Variants in PTPRD observed in about 807,000 individuals in gnomAD.
The protein encoded by PTPRD is protein tyrosine phosphatase receptor type D, also known as receptor-type tyrosine-protein phosphatase delta.
In PTPRD, 34 loss-of-function variants were observed where a neutral mutation model predicts 214.5. The ratio of observed to expected loss-of-function variants is 0.16; its 90% CI spans 0.12 to 0.21. The LOEUF is 0.21. Ranked by LOEUF, PTPRD falls within the 10% of genes least tolerant of loss-of-function variation. The pLI is 1.00. For synonymous variants in PTPRD, 1,128 were observed against 845.7 expected (o/e 1.33, Z -5.79); for missense variants, 2,545 against 2,398.7 (o/e 1.06, Z -1.27).
At chr9:9,221,164 TG>T (rs1197512560) in intron 9 of PTPRD, among the ~76,000 whole-genome samples, 1 of 152,106 alleles carries the variant, frequency 6.6e-6, no homozygotes, top group Non-Finnish European at 1.5e-5. Flanking sequence ...CAATTTGCCT[TG>T]TTAACAGGAA....
chr9:8,500,558 GAA>G (rs146807692), intron 24 of PTPRD, among the ~76,000 whole-genome samples, 194 bp downstream of exon 24: 125 of 14,278 alleles, frequency 8.8e-3, no homozygotes, highest in African/African-American at 0.022. Context: ...TGAAAAAAAT[GAA>G]AAAAAAAAAA....
chr9:10,482,237 G>C (rs887891912), intron 2 of PTPRD, among the ~76,000 whole-genome samples: 1 of 151,876 alleles, frequency 6.6e-6, no homozygotes, highest in South Asian at 2.1e-4. Flanking sequence ...CGGGCGTGGT[G>C]GCGGGTGCCT....
chr9:9,991,872 G>A (rs2095945346), intron 4 of PTPRD, among the ~76,000 whole-genome samples: 1 of 136,350 alleles, frequency 7.3e-6, no homozygotes, highest in Admixed American at 7.4e-5. Context: ...ACACACACGA[G>A]TTCCAAATGG....
At position 8,436,575 on chromosome 9, in the gene PTPRD, T is replaced by G. The variant is rs371653334; in HGVS notation, c.4086+17A>C. ...TAACTCTTGAAATTACTGTAAAGAATAAACACAGTGAATTACCTCATATTC... is the reference window on the plus strand; with the variant it reads ...TAACTCTTGAAATTACTGTAAAGAAGAAACACAGTGAATTACCTCATATTC... On this transcript the variant is annotated intron_variant, in intron 35 of 45. Coordinates refer to ENST00000381196, the MANE Select transcript of PTPRD (RefSeq NM_002839.4). 8.2e-6 allele frequency: 13 copies of G among 1,577,336 alleles called. No individual in the cohort carries two copies. The African/African-American group carries it at 1.6e-4, about 20-fold the overall frequency.
At chr9:9,022,703 G>C (rs1353753439) in intron 10 of PTPRD, among the ~76,000 whole-genome samples, 1 of 152,148 alleles carries the variant, frequency 6.6e-6, no homozygotes, top group African/African-American at 2.4e-5. Context: ...GATTTTCAAA[G>C]AAGTCAACAT....
chr9:8,610,843 G>A (rs931630955), intron 14 of PTPRD, among the ~76,000 whole-genome samples: 7 of 152,248 alleles, frequency 4.6e-5, no homozygotes, highest in Non-Finnish European at 7.4e-5. Context: ...ACAACAGGAC[G>A]TGATCTGGTT....
At chr9:9,962,729 C>T (rs745765162) in intron 4 of PTPRD, among the ~76,000 whole-genome samples, 1 of 152,036 alleles carries the variant, frequency 6.6e-6, no homozygotes, top group Non-Finnish European at 1.5e-5. Context: ...TCATATGAAG[C>T]TGAATGTCTC....
intron 9 of PTPRD, among the ~76,000 whole-genome samples, chr9:9,275,174 A>ATATATGTTATATTTATATATAT (rs1491381199): frequency 3.5e-5 from 1 of 28,966 alleles, no homozygotes; most frequent in African/African-American, 1.7e-4. Flanking sequence ...ACATATATAT[A>ATATATGTTATATTTATATATAT]ATATATATGT....
chr9:10,483,165 T>C (rs1589188471), intron 2 of PTPRD, among the ~76,000 whole-genome samples: 2 of 151,924 alleles, frequency 1.3e-5, no homozygotes, highest in East Asian at 1.9e-4. Flanking sequence ...ACAAATCATA[T>C]AAAAACACAA....
intron 10 of PTPRD, among the ~76,000 whole-genome samples, chr9:9,162,282 C>T (rs1215250550): frequency 6.6e-6 from 1 of 152,106 alleles, no homozygotes; most frequent in Non-Finnish European, 1.5e-5. Flanking sequence ...TCAACAGTGC[C>T]TGAGAATCCT....
chr9:10,126,720 C>T (rs1286686624), intron 3 of PTPRD, among the ~76,000 whole-genome samples: 2 of 152,038 alleles, frequency 1.3e-5, no homozygotes, highest in Non-Finnish European at 2.9e-5. Context: ...TTTAGAAGGG[C>T]CTGCTGACAG....
At chr9:9,771,537 A>C (rs935095067) in intron 5 of PTPRD, among the ~76,000 whole-genome samples, 1 of 152,210 alleles carries the variant, frequency 6.6e-6, no homozygotes, top group African/African-American at 2.4e-5. Flanking sequence ...CAAAGCTGTC[A>C]GAAGATCATA....
At chr9:10,422,158 C>T (rs1195101543) in intron 2 of PTPRD, among the ~76,000 whole-genome samples, 3 of 151,920 alleles carry the variant, frequency 2.0e-5, no homozygotes, top group Non-Finnish European at 2.9e-5. Context: ...TGACACCACA[C>T]ATCTACAACC....
chr9:10,357,184 C>T (rs2097295198), intron 2 of PTPRD, among the ~76,000 whole-genome samples: 1 of 151,996 alleles, frequency 6.6e-6, no homozygotes. Context: ...TCCTAGACCC[C>T]CTAGATCATT....
chr9:9,911,625 G>C (rs2079210635), intron 5 of PTPRD, among the ~76,000 whole-genome samples: 1 of 151,950 alleles, frequency 6.6e-6, no homozygotes, highest in Non-Finnish European at 1.5e-5. Flanking sequence ...CATTTTATCA[G>C]ACTTCAAAAA....
At chr9:9,510,370 C>A (rs1352097988) in intron 8 of PTPRD, among the ~76,000 whole-genome samples, 2 of 151,376 alleles carry the variant, frequency 1.3e-5, no homozygotes, top group Non-Finnish European at 3.0e-5. Context: ...CAGCAATGAG[C>A]AAACTTCCCA....
At chr9:9,660,832 C>T (rs1351131814) in intron 7 of PTPRD, among the ~76,000 whole-genome samples, 1 of 151,932 alleles carries the variant, frequency 6.6e-6, no homozygotes, top group Non-Finnish European at 1.5e-5. Flanking sequence ...AGTTATTTAG[C>T]TCCTTCTCAT....
chr9:9,761,927 G>A (rs945347416), intron 6 of PTPRD, among the ~76,000 whole-genome samples: 11 of 152,044 alleles, frequency 7.2e-5, no homozygotes, highest in Admixed American at 6.6e-4. Context: ...ATTGCTTTGG[G>A]ATATTGGTCT....
intron 8 of PTPRD, among the ~76,000 whole-genome samples, chr9:9,431,225 C>T (rs994663420): frequency 1.1e-4 from 17 of 150,112 alleles, no homozygotes; most frequent in African/African-American, 2.9e-4. Flanking sequence ...CAAACAACCC[C>T]GTCAAAAAGT....
Sources: gnomAD v4.1 joint callset for allele counts (sites outside exome capture counted in the v4.1 genomes callset) on GRCh38, gnomAD v4.1.1 for gene constraint, MANE v1.5 for transcripts, NCBI Gene and HGNC (gene_info 2026-07-23, HGNC 2026-07-21) for gene names.